The following COPE variants were observed in gnomAD, a reference collection of about 807,000 sequenced individuals.
COPE encodes coatomer subunit epsilon.
Under a neutral mutation model 42.1 loss-of-function variants are expected in COPE, and 19 were observed. The observed-to-expected ratio is 0.45, with a 90% CI of 0.31 to 0.66. The LOEUF (loss-of-function observed/expected upper bound fraction) is 0.66, where lower values mean the gene tolerates loss of function less well. Ranked by LOEUF, COPE falls within the 30% of genes least tolerant of loss-of-function variation. The pLI is 0.05. For synonymous variants in COPE, 195 were observed against 181.3 expected (o/e 1.08, Z -0.60); for missense variants, 402 against 416.1 (o/e 0.97, Z 0.30).
intron 2 of COPE, among the ~76,000 whole-genome samples, chr19:18,911,688 A>C (rs891485134): frequency 2.4e-4 from 36 of 151,702 alleles, no homozygotes; most frequent in African/African-American, 8.7e-4. Flanking sequence ...AGTAGCTGAG[A>C]CTACAGGCGC....
Position 18,899,536 on chromosome 19 carries a change from G to T in COPE, c.*143C>A, listed in dbSNP as rs1009446552. The T allele has an allele frequency of 5.3e-6, 4 of 748,116 alleles. No homozygotes were observed. Among genetic ancestry groups the T allele is most frequent in the Middle Eastern group, 3.2e-4 (1 of 3,094 alleles). 46.3% of individuals were successfully genotyped at this position (748,116 alleles called of 1,614,324 possible). A position where few individuals can be genotyped will look rare whatever the true frequency, so the allele number is the denominator to read the frequency against. The stretch of plus-strand genomic sequence containing the variant: ...TCATCAGGTGGAACACCCTGGAGTT[G>T]AGATATTTATTAACAGATGGGGGTG... On this transcript the variant is annotated 3_prime_UTR_variant, in exon 10 of 10. Coordinates refer to ENST00000262812, the MANE Select transcript of COPE (RefSeq NM_007263.4).
Position 18,904,764 on chromosome 19 carries a change from G to A in COPE, c.579+7C>T, listed in dbSNP as rs1403685353. The A allele has an allele frequency of 6.4e-7, 1 of 1,551,410 alleles. No homozygotes were observed. Among genetic ancestry groups the A allele is most frequent in the Non-Finnish European group, 8.7e-7 (1 of 1,147,024 alleles). On this transcript the variant is annotated splice_region_variant and intron_variant, in intron 6 of 9. Coordinates refer to ENST00000262812, the MANE Select transcript of COPE (RefSeq NM_007263.4). ...AATGCCCACCCACCTCATGGCCTAG[G>A]GCTCACCGTGGCCAGGCTGACCCAG...
At chr19:18,907,498 G>A (rs2056771907) in intron 3 of COPE, among the ~76,000 whole-genome samples, 1 of 152,218 alleles carries the variant, frequency 6.6e-6, no homozygotes, top group African/African-American at 2.4e-5. Flanking sequence ...CGGCCTGGGT[G>A]CCGAGGGGCC....
chr19:18,918,458 T>C (rs2056879147), intron 1 of COPE, among the ~76,000 whole-genome samples: 1 of 152,134 alleles, frequency 6.6e-6, no homozygotes, highest in African/African-American at 2.4e-5. Context: ...TCTTTCCTCT[T>C]TAATTCTTAC....
At chr19:18,902,531 GGCA>G (rs1377460655) in intron 7 of COPE, among the ~76,000 whole-genome samples, 1 of 149,820 alleles carries the variant, frequency 6.7e-6, no homozygotes, top group Non-Finnish European at 1.5e-5. Context: ...CAGGCGTGGT[GGCA>G]GCCGCCTGTA....
chr19:18,901,568 G>C (rs780524720), intron 7 of COPE, among the ~76,000 whole-genome samples: 1 of 152,208 alleles, frequency 6.6e-6, no homozygotes, highest in Non-Finnish European at 1.5e-5. Flanking sequence ...ACAACTTTCT[G>C]ATGATAACTC....
intron 3 of COPE, among the ~76,000 whole-genome samples, chr19:18,908,521 CT>C (rs1555710207): frequency 2.7e-4 from 39 of 146,802 alleles, no homozygotes; most frequent in Middle Eastern, 3.7e-3. Context: ...CCCCATCTCT[CT>C]TTTTTTTTTT....
At chr19:18,901,405 G>A (rs2056697549) in intron 7 of COPE, among the ~76,000 whole-genome samples, 1 of 152,206 alleles carries the variant, frequency 6.6e-6, no homozygotes, top group Non-Finnish European at 1.5e-5. Flanking sequence ...GGGGCAGCGA[G>A]GGACACACAG....
At chr19:18,900,250 G>C in intron 8 of COPE, 131 bp downstream of exon 8, 1 of 757,280 alleles carries the variant, frequency 1.3e-6, no homozygotes, top group Non-Finnish European at 2.1e-6. Flanking sequence ...GGGTTTGTGA[G>C]GGAGGTGGGC....
chr19:18,907,489 G>A (rs1026706158), intron 3 of COPE, among the ~76,000 whole-genome samples: 3 of 152,166 alleles, frequency 2.0e-5, no homozygotes, highest in Admixed American at 6.5e-5. Flanking sequence ...GCAGGAGGTC[G>A]GCCTGGGTGC....
At chr19:18,902,716 A>AAAGG (rs1555709088) in intron 7 of COPE, among the ~76,000 whole-genome samples, 1,814 of 31,368 alleles carry the variant, frequency 0.058, 306 homozygotes, top group Admixed American at 0.069. Context: ...GAAAGGAAGG[A>AAAGG]AAGGAAAGGA....
At position 18,904,788 on chromosome 19, in the gene COPE, A is replaced by C; in HGVS notation, c.562T>G (p.Trp188Gly). 1 of 1,554,002 alleles carries C rather than the reference A, an allele frequency of 6.4e-7. No individual in the cohort carries two copies. Among genetic ancestry groups the C allele is most frequent in the East Asian group, 2.4e-5 (1 of 41,070 alleles). The change falls in exon 6 of 10, where the codon TGG (tryptophan) becomes GGG (glycine). Residue 188 changes from tryptophan to glycine, a missense_variant. Trp to Gly is a radical substitution (Grantham distance 184). Coordinates refer to ENST00000262812, the MANE Select transcript of COPE (RefSeq NM_007263.4). ...DATLTQLATA[W>G]VSLATGGEKL... ...GGGCTCACCGTGGCCAGGCTGACCC[A>C]GGCAGTGGCGAGCTGGGTGAGGGTG...
intron 1 of COPE, among the ~76,000 whole-genome samples, chr19:18,917,807 G>A (rs147914681): frequency 6.6e-6 from 1 of 152,060 alleles, no homozygotes; most frequent in Admixed American, 6.6e-5. Context: ...GTAAAACAGT[G>A]GGCCTTAATA....
At chr19:18,900,262 G>T in intron 8 of COPE, 119 bp downstream of exon 8, 3 of 827,812 alleles carry the variant, frequency 3.6e-6, no homozygotes, top group Non-Finnish European at 3.8e-6. Context: ...GAGGTGGGCT[G>T]CGGTAGGCAT....
At position 18,900,375 on chromosome 19, in the gene COPE, G is replaced by A. The variant is rs1230393691; in HGVS notation, c.804+6C>T. The stretch of plus-strand genomic sequence containing the variant: ...GGGTTGGCCTGGAGCCCTGGGGGCC[G>A]CTTACCTCAGGGGGCTTGCCCAGGT... On this transcript the variant is annotated splice_donor_region_variant and intron_variant, in intron 8 of 9. Transcript: ENST00000262812. 1.3e-5 allele frequency: 20 copies of A among 1,546,500 alleles called. 1 individual carries two copies. The highest frequency in any genetic ancestry group is 7.9e-5 in the Admixed American group (4 of 50,672).
chr19:18,902,391 G>A (rs150489436), intron 7 of COPE, among the ~76,000 whole-genome samples: 39 of 150,588 alleles, frequency 2.6e-4, no homozygotes, highest in African/African-American at 8.0e-4. Flanking sequence ...ATGGCCAGGC[G>A]TGGTGGCTCA....
intron 1 of COPE, among the ~76,000 whole-genome samples, chr19:18,917,247 T>TTTC (rs1267027175): frequency 1.3e-5 from 2 of 148,336 alleles, no homozygotes; most frequent in Admixed American, 1.3e-4. Flanking sequence ...TTTTCTTTTT[T>TTTC]TTTTTTTTTT....
intron 1 of COPE, among the ~76,000 whole-genome samples, chr19:18,913,770 C>T (rs924851668): frequency 6.6e-6 from 1 of 152,178 alleles, no homozygotes; most frequent in African/African-American, 2.4e-5. Flanking sequence ...GGGAAGGGGC[C>T]CAGCCACCTT....
chr19:18,914,311 G>A (rs1166062298), intron 1 of COPE, among the ~76,000 whole-genome samples: 1 of 151,872 alleles, frequency 6.6e-6, no homozygotes, highest in Non-Finnish European at 1.5e-5. Context: ...AGGCCGAAGT[G>A]GGTGGATCAT....
Sources: gnomAD v4.1 joint callset for allele counts (sites outside exome capture counted in the v4.1 genomes callset) on GRCh38, gnomAD v4.1.1 for gene constraint, MANE v1.5 for transcripts, NCBI Gene and HGNC (gene_info 2026-07-23, HGNC 2026-07-21) for gene names.